Variants in SSU72 observed in about 807,000 individuals in gnomAD.
SSU72 encodes the protein RNA polymerase II subunit A C-terminal domain phosphatase SSU72.
A neutral mutation model predicts 22.7 loss-of-function variants in SSU72; 12 were observed. The ratio of observed to expected loss-of-function variants is 0.53; its 90% CI spans 0.34 to 0.86. The LOEUF (loss-of-function observed/expected upper bound fraction) is 0.86. Among genes scored for constraint, SSU72 ranks in the 40% least tolerant of loss-of-function variants. The probability of loss-of-function intolerance (pLI) is 0.02; values close to 1 mark genes in which losing one functional copy is unlikely to be tolerated. For missense variants in SSU72, 151 were observed against 249.8 expected (o/e 0.60, Z 2.67); for synonymous variants, 116 against 98.3 (o/e 1.18, Z -1.06).
chr1:1,557,361 C>T (rs58599626), intron 2 of SSU72, among the ~76,000 whole-genome samples: 4,828 of 151,606 alleles, frequency 0.032, 261 homozygotes, highest in African/African-American at 0.11. Context: ...TGCAGTGAGC[C>T]GAGATTGCAC....
At chr1:1,574,443 G>A (rs1038942922) in intron 1 of SSU72, 35 bp downstream of exon 1, 9 of 1,569,558 alleles carry the variant, frequency 5.7e-6, no homozygotes, top group Non-Finnish European at 7.8e-6. Flanking sequence ...GGTCGCCGGA[G>A]CAGAGCGCGC....
chr1:1,554,802 G>A lies in SSU72; in HGVS notation c.225-9800C>T, dbSNP rs1570388984. Among the ~76,000 whole-genome samples the A allele has an allele frequency of 1.3e-5, 2 of 152,242 alleles. No homozygotes were observed. The highest frequency in any genetic ancestry group is 4.1e-4 in the South Asian group (2 of 4,824). On this transcript the variant is annotated intron_variant, in intron 2 of 4. Coordinates refer to ENST00000291386, the MANE Select transcript of SSU72 (RefSeq NM_014188.3). The surrounding 1 kb of genome is among the most constrained non-coding windows in gnomAD (Gnocchi z 4.1). ...CTGGAGCCACGAAAGCAACAGCCCTGGGCAGCCCAGCACCATCCTGGGTTC... is the reference window on the plus strand; with the variant it reads ...CTGGAGCCACGAAAGCAACAGCCCTAGGCAGCCCAGCACCATCCTGGGTTC...
intron 3 of SSU72, among the ~76,000 whole-genome samples, chr1:1,544,356 G>A (rs987464527): frequency 1.3e-5 from 2 of 152,166 alleles, no homozygotes; most frequent in African/African-American, 4.8e-5. Context: ...GGTGGCTCTC[G>A]CCTGTGATCC....
intron 3 of SSU72, chr1:1,544,547 G>A: frequency 2.7e-6 from 1 of 373,122 alleles, no homozygotes. Context: ...GAACCCGGGA[G>A]GCAGAGGTTG....
Position 1,543,939 on chromosome 1 carries a change from T to C in SSU72, c.413A>G (p.Asn138Ser), listed in dbSNP as rs1157210299. The C allele has an allele frequency of 1.2e-6, 2 of 1,614,104 alleles. No individual in the cohort carries two copies. Among genetic ancestry groups the C allele is most frequent in the Non-Finnish European group, 1.7e-6 (2 of 1,179,980 alleles). ...QETCQPVHVVNVDIQDNHEEA... is the reference protein window; with the variant it reads ...QETCQPVHVVSVDIQDNHEEA... ...CTCGTGGTTGTCCTGGATGTCCACATTGACCACGTGCACAGGCTGGCAGGT... is the reference window on the plus strand; with the variant it reads ...CTCGTGGTTGTCCTGGATGTCCACACTGACCACGTGCACAGGCTGGCAGGT... The change falls in exon 4 of 5, where the codon AAT becomes AGT. Residue 138 changes from asparagine to serine, a missense_variant. Coordinates refer to ENST00000291386, the MANE Select transcript of SSU72 (RefSeq NM_014188.3).
intron 2 of SSU72, among the ~76,000 whole-genome samples, chr1:1,551,517 C>T (rs1038974774): frequency 6.6e-6 from 1 of 151,876 alleles, no homozygotes; most frequent in Admixed American, 6.6e-5. Flanking sequence ...ATTCTACCTA[C>T]GTGTGTGTGC....
intron 3 of SSU72, chr1:1,544,580 T>C: frequency 2.2e-6 from 1 of 464,284 alleles, no homozygotes; most frequent in Non-Finnish European, 4.0e-6. Flanking sequence ...ATTGTACCAC[T>C]GCACTCCAGC....
chr1:1,544,812 G>GA, intron 3 of SSU72, 51 bp downstream of exon 3: 1 of 1,612,944 alleles, frequency 6.2e-7, no homozygotes, highest in Non-Finnish European at 8.5e-7. Context: ...GGCATCCCCA[G>GA]ACCCTGTGAG....
intron 1 of SSU72, among the ~76,000 whole-genome samples, chr1:1,572,524 TC>T (rs1391886156): frequency 6.7e-6 from 1 of 149,750 alleles, no homozygotes; most frequent in Non-Finnish European, 1.5e-5. Context: ...TGGCATGATC[TC>T]GGCTCAATGC....
intron 1 of SSU72, among the ~76,000 whole-genome samples, chr1:1,566,363 C>T (rs966629287): frequency 7.2e-5 from 11 of 152,214 alleles, no homozygotes; most frequent in Admixed American, 5.2e-4. Context: ...ACTTCTCAAC[C>T]TAGCTTTATT....
intron 1 of SSU72, among the ~76,000 whole-genome samples, chr1:1,565,942 CACA>C (rs573860066): frequency 5.1e-4 from 78 of 152,252 alleles, no homozygotes; most frequent in African/African-American, 1.7e-3. Context: ...TTAAGTTTGT[CACA>C]ACAAGTTACA....
intron 1 of SSU72, among the ~76,000 whole-genome samples, chr1:1,572,793 T>C (rs1225606731): frequency 7.0e-6 from 1 of 142,466 alleles, no homozygotes; most frequent in African/African-American, 2.5e-5. Context: ...GCAGAAAATC[T>C]TGAACAAAGG....
intron 2 of SSU72, among the ~76,000 whole-genome samples, chr1:1,555,584 C>T (rs1396383116): frequency 6.6e-6 from 1 of 152,242 alleles, no homozygotes; most frequent in East Asian, 1.9e-4. Flanking sequence ...GTGAGAAGAG[C>T]AGGTGACACC....
chr1:1,559,682 C>T (rs769842784), intron 2 of SSU72, among the ~76,000 whole-genome samples: 1 of 152,094 alleles, frequency 6.6e-6, no homozygotes, highest in Non-Finnish European at 1.5e-5. Context: ...GCCTCAGCCA[C>T]CTGAGCAGCT....
At chr1:1,564,615 T>G in intron 2 of SSU72, 158 bp downstream of exon 2, 1 of 1,613,360 alleles carries the variant, frequency 6.2e-7, no homozygotes, top group Non-Finnish European at 8.5e-7. Flanking sequence ...CCGTGGACGA[T>G]CCGACGTGCA....
In SSU72 at chr1:1,544,905, T is replaced by A; in HGVS notation, c.322A>T (p.Ile108Phe). The A allele has an allele frequency of 6.2e-7, 1 of 1,614,212 alleles. No homozygotes were observed. The highest frequency in any genetic ancestry group is 8.5e-7 in the Non-Finnish European group (1 of 1,180,038). ...TACACTCTCTCTTCGCAAGTGAGGA[T>A]CAGATCAAACAGGTCTTTGCAGTTC... is the stretch of plus-strand genomic sequence containing the variant. ...FQNCKDLFDL[I>F]LTCEERVYDQ... The change falls in exon 3 of 5, where the codon ATC (isoleucine) becomes TTC (phenylalanine). Residue 108 changes from isoleucine (I) to phenylalanine (F), a missense_variant. Ile to Phe is a conservative substitution (Grantham distance 21). Coordinates refer to ENST00000291386, the MANE Select transcript of SSU72 (RefSeq NM_014188.3).
Position 1,543,876 on chromosome 1 carries a change from CA to C in SSU72, c.475del (p.Cys159AlafsTer103). On this transcript the variant is annotated frameshift_variant, in exon 4 of 5. Coordinates refer to ENST00000291386, the MANE Select transcript of SSU72 (RefSeq NM_014188.3). LOFTEE classifies it high-confidence loss of function. ...TLGAFLICEL[C>X]QCIQHTEDME... ...GCCCAGCCGGGTACTTACACACTGGCAGAGCTCACAGATGAGAAACGCCCCC... is the reference window on the plus strand; with the variant it reads ...GCCCAGCCGGGTACTTACACACTGGCGAGCTCACAGATGAGAAACGCCCCC... 6.2e-7 allele frequency: 1 copy of C among 1,613,256 alleles called. No homozygotes were observed. Among genetic ancestry groups the C allele is most frequent in the Non-Finnish European group, 8.5e-7 (1 of 1,179,650 alleles).
intron 2 of SSU72, among the ~76,000 whole-genome samples, chr1:1,549,345 C>A (rs1318199359): frequency 3.3e-5 from 5 of 151,324 alleles, no homozygotes; most frequent in Non-Finnish European, 7.4e-5. Flanking sequence ...CACAGGGAAA[C>A]CCTGTCTCTA....
At chr1:1,544,785 C>T in intron 3 of SSU72, 78 bp downstream of exon 3, 1 of 1,601,788 alleles carries the variant, frequency 6.2e-7, no homozygotes, top group East Asian at 2.2e-5. Flanking sequence ...CTGTACTGGT[C>T]ATGGTGGGGC....
Sources: gnomAD v4.1 joint callset for allele counts (sites outside exome capture counted in the v4.1 genomes callset) on GRCh38, gnomAD v4.1.1 for gene constraint, Gnocchi (gnomAD v3.1) non-coding constraint, MANE v1.5 for transcripts, NCBI Gene and HGNC (gene_info 2026-07-23, HGNC 2026-07-21) for gene names.